Variants in ATP2B4 observed in about 807,000 individuals in gnomAD.
ATP2B4 encodes ATPase plasma membrane Ca2+ transporting 4, also known as plasma membrane calcium-transporting ATPase 4.
ATP2B4 carries 39 observed loss-of-function variants against 110.3 expected under a neutral mutation model. The observed-to-expected ratio is 0.35, with a 90% confidence interval of 0.27 to 0.46. The LOEUF (loss-of-function observed/expected upper bound fraction) is 0.46, where lower values mean the gene tolerates loss of function less well. Ranked by LOEUF, ATP2B4 falls within the 20% of genes least tolerant of loss-of-function variation. The pLI is 1.00. For synonymous variants in ATP2B4, 538 were observed against 571.7 expected, an observed-to-expected ratio of 0.94 and a Z score of 0.84; for missense variants, 1,135 against 1,530.9, an observed-to-expected ratio of 0.74 and a Z score of 4.32.
chr1:203,692,917 A>G (rs1463753493), intron 2 of ATP2B4, among the ~76,000 whole-genome samples: 1 of 151,982 alleles, frequency 6.6e-6, no homozygotes, highest in East Asian at 1.9e-4. Context: ...ACAGCTAAAC[A>G]TTCTCTTTGC....
At chr1:203,686,201 G>C (rs1322981434) in intron 2 of ATP2B4, among the ~76,000 whole-genome samples, 1 of 152,132 alleles carries the variant, frequency 6.6e-6, no homozygotes, top group Admixed American at 6.5e-5. Context: ...TCTTCACTGA[G>C]ATTATGCAGT....
chr1:203,686,685 CTTTTTTTTTTTTTT>C (rs779048789), intron 2 of ATP2B4, among the ~76,000 whole-genome samples: 1 of 42,784 alleles, frequency 2.3e-5, no homozygotes, highest in Non-Finnish European at 3.8e-5. Context: ...TCTTTTCTTT[CTTTTTTTTTTTTTT>C]TTTTTTTTTT....
chr1:203,700,095 T>C, intron 4 of ATP2B4, 111 bp from the exon 5 acceptor site: 2 of 1,296,374 alleles, frequency 1.5e-6, no homozygotes, highest in South Asian at 1.4e-5. Context: ...GCTGTCTAGA[T>C]AGGGCCCATG....
Position 203,721,731 on chromosome 1 carries a change from C to T in ATP2B4, c.2812+321C>T, listed in dbSNP as rs555864044. On this transcript the variant is annotated intron_variant, in intron 17 of 20. Transcript: ENST00000357681. ...AGGCTGGAGTGCAGTGGCGCTAACT[C>T]GGGTCACTGCAACGTCTGCCTCCCA... Among the ~76,000 whole-genome samples the T allele has an allele frequency of 2.6e-3, 375 of 145,924 alleles. 1 individual carries two copies. Among genetic ancestry groups the T allele is most frequent in the Non-Finnish European group, 4.6e-3 (307 of 67,414 alleles).
At chr1:203,636,260 T>C (rs1204709419) in intron 1 of ATP2B4, among the ~76,000 whole-genome samples, 1 of 152,194 alleles carries the variant, frequency 6.6e-6, no homozygotes, top group African/African-American at 2.4e-5. Context: ...CAAGGCCTTC[T>C]AGGCACTCCC....
chr1:203,699,515 G>T lies in ATP2B4; in HGVS notation c.447G>T (p.Trp149Cys), dbSNP rs1416033286. The stretch of plus-strand genomic sequence containing the variant: ...ATGAAAATGAGGCACAAGCTGGCTG[G>T]ATTGAGGGGGCAGCCATCCTTTTCT... Reference protein sequence around the residue: ...PEDENEAQAGWIEGAAILFSV... With the variant: ...PEDENEAQAGCIEGAAILFSV... The change falls in exon 4 of 21, where the codon TGG becomes TGT. Residue 149 changes from tryptophan (W) to cysteine (C), a missense_variant. By Grantham distance (215) the Trp-to-Cys change is radical (BLOSUM62 -2). Transcript: ENST00000357681. The T allele has an allele frequency of 1.2e-6, 2 of 1,614,204 alleles. No homozygotes were observed. The highest frequency in any genetic ancestry group is 2.2e-5 in the East Asian group (1 of 44,880).
chr1:203,695,140 G>A (rs1022470977), intron 2 of ATP2B4, among the ~76,000 whole-genome samples: 1 of 152,154 alleles, frequency 6.6e-6, no homozygotes, highest in Non-Finnish European at 1.5e-5. Context: ...TGGTAAGAAG[G>A]AAAGGGCATC....
At chr1:203,679,755 G>C (rs140450846) in intron 1 of ATP2B4, among the ~76,000 whole-genome samples, 1 of 152,074 alleles carries the variant, frequency 6.6e-6, no homozygotes, top group South Asian at 2.1e-4. Flanking sequence ...GGTGGCATGC[G>C]ACTGTAGTCT....
intron 1 of ATP2B4, among the ~76,000 whole-genome samples, chr1:203,645,467 GTTTT>G (rs1375049551): frequency 6.6e-6 from 1 of 151,376 alleles, no homozygotes; most frequent in Non-Finnish European, 1.5e-5. Context: ...TTTGTGAGGG[GTTTT>G]TTTATTTTGT....
At chr1:203,728,223 T>G (rs1032473107) in intron 20 of ATP2B4, 10 of 469,818 alleles carry the variant, frequency 2.1e-5, no homozygotes, top group African/African-American at 4.0e-5. Context: ...CTTCCCTTCT[T>G]GCAATTTCTG....
intron 2 of ATP2B4, among the ~76,000 whole-genome samples, chr1:203,687,774 T>A (rs2102368636): frequency 6.6e-6 from 1 of 152,228 alleles, no homozygotes; most frequent in African/African-American, 2.4e-5. Flanking sequence ...AGGTGGGACT[T>A]AATTATCTCT....
chr1:203,647,312 T>C (rs1663829919), intron 1 of ATP2B4, among the ~76,000 whole-genome samples: 1 of 152,120 alleles, frequency 6.6e-6, no homozygotes, highest in African/African-American at 2.4e-5. Flanking sequence ...GATGCACACC[T>C]GTAGTCCCAG....
intron 17 of ATP2B4, among the ~76,000 whole-genome samples, chr1:203,721,845 T>G (rs1001782686): frequency 1.3e-5 from 2 of 151,604 alleles, no homozygotes; most frequent in Non-Finnish European, 2.9e-5. Context: ...GTATTTTTAG[T>G]AGAGATGGGG....
intron 2 of ATP2B4, among the ~76,000 whole-genome samples, chr1:203,689,215 G>A (rs1665294343): frequency 6.6e-6 from 1 of 152,310 alleles, no homozygotes; most frequent in East Asian, 1.9e-4. Context: ...ATTACCTGTG[G>A]CTTAAGGGGA....
chr1:203,728,712 C>T (rs1431775438), intron 20 of ATP2B4, among the ~76,000 whole-genome samples: 1 of 152,058 alleles, frequency 6.6e-6, no homozygotes, highest in Non-Finnish European at 1.5e-5. Flanking sequence ...CCAAAATTAG[C>T]CGGGCGTAGT....
intron 1 of ATP2B4, among the ~76,000 whole-genome samples, chr1:203,633,908 G>T (rs909388768): frequency 2.0e-5 from 3 of 151,870 alleles, no homozygotes; most frequent in Non-Finnish European, 4.4e-5. Context: ...AAATTAGCCG[G>T]GCGTGGTAGT....
At chr1:203,720,821 A>C in intron 16 of ATP2B4, 81 bp downstream of exon 16, 1 of 1,464,648 alleles carries the variant, frequency 6.8e-7, no homozygotes, top group Non-Finnish European at 9.2e-7. Context: ...CGGTGTGTTT[A>C]CTGAAGAGTA....
In ATP2B4 at chr1:203,740,200, T is replaced by C. The variant is rs1233388015; in HGVS notation, c.*346T>C. 2 of 242,048 alleles carry C rather than the reference T, an allele frequency of 8.3e-6. No individual in the cohort carries two copies. The highest frequency in any genetic ancestry group is 1.6e-5 in the Non-Finnish European group (2 of 124,354). The allele number at this position is 242,048 out of a possible 1,614,324, so 15.0% of individuals were successfully genotyped here. A position where few individuals can be genotyped will look rare whatever the true frequency, so the allele number is the denominator to read the frequency against. ...CGATGTTCCTCTCCTGAATTCTGGA[T>C]TTTGTCCTACAAGTCTGTGCCATTT... On this transcript the variant is annotated 3_prime_UTR_variant, in exon 21 of 21. Transcript: ENST00000357681.
chr1:203,713,610 G>T (rs192831729), intron 14 of ATP2B4, among the ~76,000 whole-genome samples: 1 of 152,000 alleles, frequency 6.6e-6, no homozygotes, highest in Non-Finnish European at 1.5e-5. Flanking sequence ...GACTACAGGC[G>T]CATGCCACCA....
Sources: allele counts gnomAD v4.1 joint callset (sites outside exome capture counted in the v4.1 genomes callset), GRCh38; gene constraint gnomAD v4.1.1; transcripts MANE v1.5; gene names NCBI Gene and HGNC (gene_info 2026-07-23, HGNC 2026-07-21).